TMEM117: variants seen among roughly 807,000 people sequenced by gnomAD.
TMEM117 encodes the protein transmembrane protein 117.
In TMEM117, 27 loss-of-function variants were observed where a neutral mutation model predicts 52.4. The ratio of observed to expected loss-of-function variants is 0.51; its 90% confidence interval spans 0.38 to 0.71. The LOEUF (loss-of-function observed/expected upper bound fraction) is 0.71, where lower values mean the gene tolerates loss of function less well. TMEM117 is among the 30% of genes least tolerant of loss of function. The pLI is 0.00. For missense variants in TMEM117, 556 were observed against 630.5 expected, an observed-to-expected ratio of 0.88 and a Z score of 1.26; for synonymous variants, 215 against 206.3, an observed-to-expected ratio of 1.04 and a Z score of -0.36.
At chr12:44,215,552 A>G (rs886417199) in intron 5 of TMEM117, among the ~76,000 whole-genome samples, 7 of 152,208 alleles carry the variant, frequency 4.6e-5, no homozygotes, top group African/African-American at 1.7e-4. Context: ...AGGCGTTACC[A>G]ACAACCATTT....
intron 3 of TMEM117, among the ~76,000 whole-genome samples, chr12:44,088,025 AG>A (rs1947601274): frequency 6.6e-6 from 1 of 152,210 alleles, no homozygotes; most frequent in Non-Finnish European, 1.5e-5. Flanking sequence ...AATGTACACA[AG>A]CACAGCATTC....
chr12:44,165,743 A>G (rs1948957992), intron 4 of TMEM117, among the ~76,000 whole-genome samples: 1 of 152,208 alleles, frequency 6.6e-6, no homozygotes, highest in African/African-American at 2.4e-5. Context: ...TATTAGATAT[A>G]AAGGGAGAGA....
In TMEM117 at chr12:43,986,994, C is replaced by T. The variant is rs77808925; in HGVS notation, c.410+42652C>T. On this transcript the variant is annotated intron_variant, in intron 3 of 7. Transcript: ENST00000266534. ...TGGGCTAAAGGGCTAAATCATGTCC[C>T]CATCTCCCAAATTCTTTCGTTGAAG... Among the ~76,000 whole-genome samples the T allele has an allele frequency of 2.3e-3, 351 of 152,138 alleles. 2 individuals are homozygous for T. Among genetic ancestry groups the T allele is most frequent in the Non-Finnish European group, 3.1e-3 (210 of 68,012 alleles).
At chr12:44,009,156 A>G (rs1946249608) in intron 3 of TMEM117, 2 of 299,628 alleles carry the variant, frequency 6.7e-6, no homozygotes, top group South Asian at 6.3e-5. Flanking sequence ...GGAAAAGCTC[A>G]GTGCTGTTTC....
intron 2 of TMEM117, among the ~76,000 whole-genome samples, chr12:43,881,539 C>G (rs1943895306): frequency 6.6e-6 from 1 of 152,120 alleles, no homozygotes; most frequent in Admixed American, 6.5e-5. Context: ...CCTGTAATCC[C>G]AACACTTTGG....
chr12:44,219,607 G>T (rs190280628), intron 5 of TMEM117, among the ~76,000 whole-genome samples: 23 of 152,044 alleles, frequency 1.5e-4, no homozygotes, highest in Non-Finnish European at 2.8e-4. Flanking sequence ...GGTTTTCAGG[G>T]GCTTAATTTC....
intron 3 of TMEM117, among the ~76,000 whole-genome samples, chr12:44,124,513 C>T (rs749169121): frequency 6.6e-6 from 1 of 152,120 alleles, no homozygotes; most frequent in African/African-American, 2.4e-5. Context: ...AGTTTTTGCC[C>T]ATTCAGTATG....
intron 2 of TMEM117, among the ~76,000 whole-genome samples, chr12:43,874,967 T>G (rs1304638013): frequency 6.6e-6 from 1 of 152,224 alleles, no homozygotes; most frequent in African/African-American, 2.4e-5. Context: ...ATTTTCTCAC[T>G]AATAAATAAC....
intron 6 of TMEM117, among the ~76,000 whole-genome samples, chr12:44,328,777 A>G (rs972900101): frequency 1.3e-5 from 2 of 152,066 alleles, no homozygotes; most frequent in Non-Finnish European, 2.9e-5. Context: ...AAAAAAACCA[A>G]TGTAATGCAG....
chr12:44,206,397 A>G (rs953577830), intron 4 of TMEM117, among the ~76,000 whole-genome samples: 3 of 152,198 alleles, frequency 2.0e-5, no homozygotes, highest in Admixed American at 2.0e-4. Flanking sequence ...AGTGCTGCAG[A>G]GATCTTGTTT....
intron 1 of TMEM117, among the ~76,000 whole-genome samples, chr12:43,838,272 G>T (rs1051795666): frequency 6.6e-6 from 1 of 151,892 alleles, no homozygotes; most frequent in Non-Finnish European, 1.5e-5. Flanking sequence ...GTACATATGT[G>T]TGTGTGTGAG....
chr12:44,269,918 A>G (rs996333723), intron 5 of TMEM117, among the ~76,000 whole-genome samples: 2 of 152,138 alleles, frequency 1.3e-5, no homozygotes, highest in African/African-American at 4.8e-5. Context: ...TTATAATTTG[A>G]AAGAAAATTT....
chr12:43,981,685 G>T (rs1269941067), intron 3 of TMEM117, among the ~76,000 whole-genome samples: 1 of 152,158 alleles, frequency 6.6e-6, no homozygotes. Context: ...ACAAGTGTTT[G>T]CAATAGAGCA....
intron 2 of TMEM117, among the ~76,000 whole-genome samples, chr12:43,851,822 G>T (rs1048568140): frequency 6.6e-6 from 1 of 152,162 alleles, no homozygotes; most frequent in African/African-American, 2.4e-5. Flanking sequence ...GATGAAAATT[G>T]TAAGTTCAAC....
At chr12:43,996,910 G>A (rs1035039123) in intron 3 of TMEM117, among the ~76,000 whole-genome samples, 10 of 152,154 alleles carry the variant, frequency 6.6e-5, no homozygotes, top group African/African-American at 2.4e-4. Flanking sequence ...GGGCATATTT[G>A]TTGGTGTCAG....
intron 3 of TMEM117, among the ~76,000 whole-genome samples, chr12:43,993,067 C>T (rs1592422320): frequency 6.6e-6 from 1 of 152,262 alleles, no homozygotes; most frequent in Non-Finnish European, 1.5e-5. Context: ...TAGACACTGC[C>T]TTGATTATGT....
At chr12:44,003,736 G>A (rs923523486) in intron 3 of TMEM117, among the ~76,000 whole-genome samples, 4 of 152,218 alleles carry the variant, frequency 2.6e-5, no homozygotes, top group Non-Finnish European at 5.9e-5. Context: ...TGCTGAGGAG[G>A]TGGTGGGCAG....
chr12:44,117,434 A>G (rs1449364061), intron 3 of TMEM117, among the ~76,000 whole-genome samples: 1 of 152,034 alleles, frequency 6.6e-6, no homozygotes, highest in Non-Finnish European at 1.5e-5. Flanking sequence ...CACTATTTGC[A>G]GGATGTGTTG....
intron 4 of TMEM117, among the ~76,000 whole-genome samples, chr12:44,166,020 A>G (rs181045027): frequency 3.8e-3 from 586 of 152,364 alleles, no homozygotes; most frequent in Middle Eastern, 6.8e-3. Flanking sequence ...AATCATGTCA[A>G]CTATCTTCTT....
Sources: allele counts gnomAD v4.1 joint callset (sites outside exome capture counted in the v4.1 genomes callset), GRCh38; gene constraint gnomAD v4.1.1; transcripts MANE v1.5; gene names NCBI Gene and HGNC (gene_info 2026-07-23, HGNC 2026-07-21).